Variants in DNAH17 observed in about 807,000 individuals in gnomAD.
DNAH17 encodes the protein dynein axonemal heavy chain 17, also known as axonemal beta dynein heavy chain 17.
DNAH17 carries 376 observed loss-of-function variants against 485.6 expected under a neutral mutation model. The observed-to-expected ratio is 0.77, with a 90% CI of 0.71 to 0.84. The LOEUF (loss-of-function observed/expected upper bound fraction) is 0.84, where lower values mean the gene tolerates loss of function less well. DNAH17 is among the 40% of genes least tolerant of loss of function. The pLI is 0.00. For synonymous variants in DNAH17, 3,031 were observed against 2,405.9 expected (o/e 1.26, Z -7.60); for missense variants, 6,370 against 5,839.3 (o/e 1.09, Z -2.96).
intron 20 of DNAH17, among the ~76,000 whole-genome samples, chr17:78,530,754 G>T (rs1481425535): frequency 6.6e-6 from 1 of 152,194 alleles, no homozygotes; most frequent in Non-Finnish European, 1.5e-5. Context: ...GGGGCAGAAG[G>T]GGTCATGGCA....
At chr17:78,477,945 CCATTAT>C (rs1712740614) in intron 51 of DNAH17, among the ~76,000 whole-genome samples, 1 of 147,710 alleles carries the variant, frequency 6.8e-6, no homozygotes, top group South Asian at 2.1e-4. Flanking sequence ...ACCACCATCA[CCATTAT>C]CATCTCCACC....
intron 54 of DNAH17, among the ~76,000 whole-genome samples, chr17:78,470,019 G>T (rs1301788180): frequency 1.3e-5 from 2 of 150,316 alleles, no homozygotes; most frequent in African/African-American, 4.9e-5. Flanking sequence ...CAGTGTGAAT[G>T]TGCTTCATGC....
intron 16 of DNAH17, 123 bp downstream of exon 16, chr17:78,551,411 AC>A: frequency 1.3e-6 from 1 of 788,266 alleles, no homozygotes; most frequent in East Asian, 2.5e-5. Flanking sequence ...AGAGCACTGC[AC>A]GGCAGCTCCC....
chr17:78,434,259 GAGA>G, intron 74 of DNAH17, 39 bp from the exon 75 acceptor site: 3 of 1,564,492 alleles, frequency 1.9e-6, no homozygotes, highest in African/African-American at 1.3e-5. Flanking sequence ...TAGGGAGAGG[GAGA>G]AGTTTACACA....
intron 64 of DNAH17, among the ~76,000 whole-genome samples, chr17:78,454,213 C>T (rs1041867650): frequency 2.0e-4 from 30 of 152,202 alleles, no homozygotes; most frequent in African/African-American, 5.8e-4. Context: ...AATGGCCAAG[C>T]GGGAGGCAAC....
At chr17:78,510,758 C>CCCCG (rs1555679578) in intron 26 of DNAH17, 2 of 394,436 alleles carry the variant, frequency 5.1e-6, no homozygotes, top group Admixed American at 3.5e-5. Context: ...GCGGCCCCCC[C>CCCCG]GCAAAATTCA....
chr17:78,507,743 C>T lies in DNAH17; in HGVS notation c.4299G>A (p.Arg1433=). The change falls in exon 28 of 81, where the codon CGG becomes CGA. Residue 1433 remains arginine, a synonymous_variant. Transcript: ENST00000389840. ...TGGACTTGAGCATCATGGTGCCTGT[C>T]CGCGGGTGCGGCTCGTGCTGGAATT... ...MMEFQHEPHP[R]TGTMMLKSSE... The T allele has an allele frequency of 3.7e-6, 6 of 1,602,072 alleles. No individual in the cohort carries two copies. Among genetic ancestry groups the T allele is most frequent in the Non-Finnish European group, 5.1e-6 (6 of 1,178,716 alleles).
chr17:78,467,847 G>A (rs1190372679), intron 55 of DNAH17, among the ~76,000 whole-genome samples: 1 of 152,082 alleles, frequency 6.6e-6, no homozygotes, highest in Non-Finnish European at 1.5e-5. Flanking sequence ...GTGAAATGCT[G>A]TCTCTACTAA....
chr17:78,444,421 G>A lies in DNAH17; in HGVS notation c.11528+183C>T, dbSNP rs191081105. 3.9e-5 allele frequency among the ~76,000 whole-genome samples: 6 copies of A among 152,288 alleles called. No homozygotes were observed. The East Asian group carries it at 9.7e-4, about 25-fold the overall frequency. The stretch of plus-strand genomic sequence containing the variant: ...GGGGTGGAATCCTGCCTCTGTCCTC[G>A]AAGAACTTTGTGTGAAATGATTTAC... On this transcript the variant is annotated intron_variant, in intron 71 of 80. Transcript: ENST00000389840.
At chr17:78,566,965 A>G in intron 10 of DNAH17, 34 bp downstream of exon 10, 1 of 1,586,416 alleles carries the variant, frequency 6.3e-7, no homozygotes, top group Non-Finnish European at 8.6e-7. Flanking sequence ...GTTCTCACCG[A>G]GTCCAGTTCA....
intron 16 of DNAH17, 120 bp from the exon 17 acceptor site, chr17:78,544,117 C>G: frequency 1.4e-6 from 2 of 1,411,168 alleles, no homozygotes; most frequent in Non-Finnish European, 1.9e-6. Context: ...GGATTGGAGT[C>G]TAGTTCTCCA....
In DNAH17 at chr17:78,444,616, G is replaced by C. The variant is rs760243861; in HGVS notation, c.11516C>G (p.Thr3839Ser). ...MVRCLRPDRM[T>S]YAIKNFVEEK... The stretch of plus-strand genomic sequence containing the variant: ...GCGGGACACTCACTTGATAGCGTAG[G>C]TCATGCGATCTGGCCGCAGGCAGCG... The change falls in exon 71 of 81, where the codon ACC becomes AGC. Residue 3839 changes from threonine to serine, a missense_variant. Physicochemically the swap from Thr to Ser is moderately conservative, Grantham distance 58. Transcript: ENST00000389840. 6.4e-7 allele frequency: 1 copy of C among 1,569,278 alleles called. No individual in the cohort carries two copies. The highest frequency in any genetic ancestry group is 1.4e-5 in the African/African-American group (1 of 73,800).
chr17:78,453,589 C>G (rs1440275287), intron 64 of DNAH17, 124 bp from the exon 65 acceptor site: 2 of 1,284,948 alleles, frequency 1.6e-6, no homozygotes, highest in Admixed American at 2.5e-5. Context: ...GACCTAGGAG[C>G]CCACAACTTG....
rs373430731 is a variant in DNAH17 at position 78,529,709 on chromosome 17, G to A, written c.3285-15C>T. ...GGTCAGCCAGGCTAAGGGACAAGGG[G>A]ACCATTTGTGTGGCCCCAGCCCCCC... is the stretch of plus-strand genomic sequence containing the variant. On this transcript the variant is annotated splice_polypyrimidine_tract_variant and intron_variant, in intron 21 of 80. Transcript: ENST00000389840. 197 of 1,612,570 alleles carry A rather than the reference G, an allele frequency of 1.2e-4. No homozygotes were observed. In the Middle Eastern group the frequency reaches 1.6e-3, roughly 14 times the overall value.
Position 78,560,651 on chromosome 17 carries a change from C to T in DNAH17, c.2031+89G>A, listed in dbSNP as rs566185188. The T allele has an allele frequency of 4.0e-5, 53 of 1,335,920 alleles. No homozygotes were observed. The African/African-American group carries it at 7.5e-4, about 19-fold the overall frequency. 82.8% of individuals were successfully genotyped at this position (1,335,920 alleles called of 1,614,324 possible). ...AGGCGAACTGTGATATAAACATCGACCTCCATAAATCCGTGCTGAGGGAAC... is the reference window on the plus strand; with the variant it reads ...AGGCGAACTGTGATATAAACATCGATCTCCATAAATCCGTGCTGAGGGAAC... On this transcript the variant is annotated intron_variant, in intron 13 of 80. Coordinates refer to ENST00000389840, the MANE Select transcript of DNAH17 (RefSeq NM_173628.4).
chr17:78,423,957 C>CTCTT lies in DNAH17; in HGVS notation c.13334_13337dup (p.Lys4447ArgfsTer58). 6.2e-7 allele frequency: 1 copy of CTCTT among 1,614,008 alleles called. No homozygotes were observed. Among genetic ancestry groups the CTCTT allele is most frequent in the Non-Finnish European group, 8.5e-7 (1 of 1,179,884 alleles). On this transcript the variant is annotated frameshift_variant, in exon 81 of 81. Transcript: ENST00000389840. LOFTEE classifies it high-confidence loss of function. ...CTGCCAGGATCCACTTCGCTGCCTT[C>CTCTT]TCTTTGGTCTTCAAGTTAAAGGTCC...
chr17:78,459,036 G>A lies in DNAH17; in HGVS notation c.9826C>T (p.Gln3276Ter), dbSNP rs756165174. Residue 3276 changes from glutamine to a stop codon, truncating the protein, a stop_gained, in exon 61 of 81, where the codon CAA becomes TAA. Coordinates refer to ENST00000389840, the MANE Select transcript of DNAH17 (RefSeq NM_173628.4). LOFTEE classifies it high-confidence loss of function. ...TTTTTGATCCGGGACAGCTTCTCTT[G>A]TGCCTCTGCCAGCTCTGCATTAGCC... ...EEANAELAEA[Q>*]EKLSRIKNKI... The A allele has an allele frequency of 3.1e-6, 5 of 1,614,044 alleles. No homozygotes were observed. The highest frequency in any genetic ancestry group is 1.1e-5 in the South Asian group (1 of 91,086).
rs532253268 is a variant in DNAH17, at chr17:78,449,634, T to C, written c.11041-50A>G. The C allele has an allele frequency of 2.2e-4, 336 of 1,533,972 alleles. 5 individuals carry two copies. The East Asian group carries it at 7.9e-3, about 36-fold the overall frequency. ...TGGAGGCGTGCAGAGATGGAGCCCTTCACCACTCCCCGCCACCACTCCCTG... is the reference window on the plus strand; with the variant it reads ...TGGAGGCGTGCAGAGATGGAGCCCTCCACCACTCCCCGCCACCACTCCCTG... On this transcript the variant is annotated intron_variant, in intron 68 of 80. Coordinates refer to ENST00000389840, the MANE Select transcript of DNAH17 (RefSeq NM_173628.4).
rs2092382273 is a variant in DNAH17 at position 78,572,984 on chromosome 17, C to T, written c.346-90G>A. ...CCAGGTCCCCGGGGGGTTCCAAAGA[C>T]CCGGTGTCTGGAGCCCTGGGAAAAC... On this transcript the variant is annotated intron_variant, in intron 2 of 80. Transcript: ENST00000389840. 9 of 1,217,130 alleles carry T rather than the reference C, an allele frequency of 7.4e-6. No individual in the cohort carries two copies. In the South Asian group the frequency reaches 1.3e-4, roughly 18 times the overall value. The allele number at this position is 1,217,130 out of a possible 1,614,324, so 75.4% of individuals were successfully genotyped here. A position where few individuals can be genotyped will look rare whatever the true frequency, so the allele number is the denominator to read the frequency against.
Sources: gnomAD v4.1 joint callset for allele counts (sites outside exome capture counted in the v4.1 genomes callset) on GRCh38, gnomAD v4.1.1 for gene constraint, MANE v1.5 for transcripts, NCBI Gene and HGNC (gene_info 2026-07-23, HGNC 2026-07-21) for gene names.